The following SNX17 variants were observed in gnomAD, a reference collection of about 807,000 sequenced individuals.
SNX17 encodes sorting nexin-17.
In SNX17, 35 loss-of-function variants were observed where a neutral mutation model predicts 64.3. The observed-to-expected ratio is 0.54, with a 90% CI of 0.42 to 0.72. The LOEUF (loss-of-function observed/expected upper bound fraction) is 0.72, where lower values mean the gene tolerates loss of function less well. SNX17 is among the 30% of genes least tolerant of loss of function. The pLI is 0.00. For synonymous variants in SNX17, 259 were observed against 230.2 expected (o/e 1.13, Z -1.13); for missense variants, 538 against 610.0 (o/e 0.88, Z 1.24).
chr2:27,373,726 T>C (rs754812403), intron 4 of SNX17, 135 bp from the exon 5 acceptor site: 14 of 658,088 alleles, frequency 2.1e-5, no homozygotes, highest in African/African-American at 3.6e-5. Flanking sequence ...TCTATTCTTA[T>C]GAAATCAAAG....
chr2:27,376,571 C>G lies in SNX17; in HGVS notation c.1300-35C>G, dbSNP rs368463802. 367 of 1,613,678 alleles carry G rather than the reference C, an allele frequency of 2.3e-4. 1 individual carries two copies. Among genetic ancestry groups the G allele is most frequent in the Non-Finnish European group, 2.9e-4 (345 of 1,179,694 alleles). ...CTGTTTGTTGGGGGATCTTGCACGC[C>G]CAAGATCTCTGACCCCACCCTGCCT... On this transcript the variant is annotated intron_variant, in intron 14 of 14. Coordinates refer to ENST00000233575, the MANE Select transcript of SNX17 (RefSeq NM_014748.4).
At position 27,374,119 on chromosome 2, in the gene SNX17, T is replaced by A; in HGVS notation, c.467T>A (p.Leu156Ter). The change falls in exon 6 of 15, where the codon TTG becomes TAG. Residue 156 changes from leucine (L) to a stop codon, truncating the protein, a stop_gained. Transcript: ENST00000233575. LOFTEE classifies it high-confidence loss of function. ...GCAAAGCTGGATCTTCCAGATGACT[T>A]GATTGGATACTTTAGTCTATTCTTA... ...VAAKLDLPDD[L>*]IGYFSLFLVR... The A allele has an allele frequency of 1.2e-6, 2 of 1,614,164 alleles. No homozygotes were observed. The highest frequency in any genetic ancestry group is 1.7e-6 in the Non-Finnish European group (2 of 1,180,020).
Position 27,374,685 on chromosome 2 carries a change from A to G in SNX17, c.612-4A>G. ...TTACCCCTTTCCACCCCTTGGCCTC[A>G]CAGTTATTGGGACTCTGCCTATGAT... On this transcript the variant is annotated splice_polypyrimidine_tract_variant and splice_region_variant and intron_variant, in intron 7 of 14. Coordinates refer to ENST00000233575, the MANE Select transcript of SNX17 (RefSeq NM_014748.4). 1 of 1,614,020 alleles carries G rather than the reference A, an allele frequency of 6.2e-7. No individual in the cohort carries two copies. The highest frequency in any genetic ancestry group is 8.5e-7 in the Non-Finnish European group (1 of 1,180,002).
chr2:27,371,433 C>G, intron 2 of SNX17, 90 bp downstream of exon 2: 1 of 1,495,554 alleles, frequency 6.7e-7, no homozygotes, highest in South Asian at 1.3e-5. Flanking sequence ...TTCTTGTTCC[C>G]GTAGGCTGTA....
intron 3 of SNX17, 150 bp downstream of exon 3, chr2:27,372,890 T>C: frequency 8.1e-7 from 1 of 1,234,206 alleles, no homozygotes; most frequent in Non-Finnish European, 1.2e-6. Context: ...GTAAATAGTG[T>C]ACGAGGATGT....
intron 8 of SNX17, 77 bp downstream of exon 8, chr2:27,374,835 CGT>C: frequency 7.2e-7 from 1 of 1,389,634 alleles, no homozygotes; most frequent in Non-Finnish European, 1.0e-6. Flanking sequence ...AAACTGCTGT[CGT>C]GTCTTTGTTC....
rs1393518352 is a variant in SNX17, at chr2:27,370,669, G to C, written c.-75G>C. 1 of 1,481,960 alleles carries C rather than the reference G, an allele frequency of 6.7e-7. No individual in the cohort carries two copies. Among genetic ancestry groups the C allele is most frequent in the South Asian group, 1.3e-5 (1 of 75,598 alleles). The allele number at this position is 1,481,960 out of a possible 1,614,324, so 91.8% of individuals were successfully genotyped here. Reference sequence around the variant, plus strand: ...GAGTGAGGCTGCGGGGACTCGCTGAGCAGCGGAGGGGGAGCGTGCAGAGCC... The same window carrying C: ...GAGTGAGGCTGCGGGGACTCGCTGACCAGCGGAGGGGGAGCGTGCAGAGCC... On this transcript the variant is annotated 5_prime_UTR_variant, in exon 1 of 15. Transcript: ENST00000233575.
At chr2:27,374,539 G>C in intron 7 of SNX17, 106 bp downstream of exon 7, 1 of 1,266,050 alleles carries the variant, frequency 7.9e-7, no homozygotes, top group Non-Finnish European at 1.1e-6. Flanking sequence ...TGTAGTGCTG[G>C]GTGTTTCTGC....
chr2:27,371,216 G>A (rs1682489671), intron 1 of SNX17, 53 bp from the exon 2 acceptor site: 2 of 1,531,790 alleles, frequency 1.3e-6, no homozygotes, highest in East Asian at 2.2e-5. Context: ...GGGTTCTCAG[G>A]GGGGTTGCGC....
Position 27,370,732 on chromosome 2 carries a change from G to C in SNX17, c.-12G>C. On this transcript the variant is annotated 5_prime_UTR_variant, in exon 1 of 15. Transcript: ENST00000233575. ...ACAGTCCGGAGCCCGGCCGTGCCGTGCCGTAGGGAACATGCACTTTTCCAT... is the reference window on the plus strand; with the variant it reads ...ACAGTCCGGAGCCCGGCCGTGCCGTCCCGTAGGGAACATGCACTTTTCCAT... The C allele has an allele frequency of 1.3e-6, 2 of 1,547,858 alleles. No homozygotes were observed. Among genetic ancestry groups the C allele is most frequent in the Non-Finnish European group, 1.7e-6 (2 of 1,145,506 alleles).
At chr2:27,370,845 C>A in intron 1 of SNX17, 39 bp downstream of exon 1, 2 of 1,526,966 alleles carry the variant, frequency 1.3e-6, no homozygotes, top group Non-Finnish European at 1.8e-6. Flanking sequence ...CGGGCAGGGG[C>A]GGGGATAACG....
At chr2:27,374,571 C>A in intron 7 of SNX17, 118 bp from the exon 8 acceptor site, 1 of 1,239,022 alleles carries the variant, frequency 8.1e-7, no homozygotes, top group South Asian at 1.2e-5. Flanking sequence ...AGCTTCCTCC[C>A]ACTATACCAT....
In SNX17 at chr2:27,376,302, T is replaced by A; in HGVS notation, c.1183-11T>A. The A allele has an allele frequency of 6.2e-7, 1 of 1,611,988 alleles. No homozygotes were observed. The highest frequency in any genetic ancestry group is 8.5e-7 in the Non-Finnish European group (1 of 1,178,496). On this transcript the variant is annotated splice_polypyrimidine_tract_variant and intron_variant, in intron 12 of 14. Transcript: ENST00000233575. ...ATCCTGCCCTCACCGGCACCTTGTGTCTGTCCCCAGATGCTGCGCCGGCGG... is the reference window on the plus strand; with the variant it reads ...ATCCTGCCCTCACCGGCACCTTGTGACTGTCCCCAGATGCTGCGCCGGCGG...
Position 27,372,689 on chromosome 2 carries a change from C to G in SNX17, c.205C>G (p.Pro69Ala), listed in dbSNP as rs200967848. 7 of 1,614,096 alleles carry G rather than the reference C, an allele frequency of 4.3e-6. No individual in the cohort carries two copies. The highest frequency in any genetic ancestry group is 2.7e-5 in the African/African-American group (2 of 74,940). ...CCCAAAGAAGCTTTTCTCTCTGACTCCTGCTGAGGTAGAACAGAGGAGAGA... is the reference window on the plus strand; with the variant it reads ...CCCAAAGAAGCTTTTCTCTCTGACTGCTGCTGAGGTAGAACAGAGGAGAGA... The part of the protein sequence containing the change: ...FPPKKLFSLT[P>A]AEVEQRREQL... The change falls in exon 3 of 15, where the codon CCT (proline) becomes GCT (alanine). Residue 69 changes from proline to alanine, a missense_variant. By Grantham distance (27) the Pro-to-Ala change is conservative (BLOSUM62 -1). Coordinates refer to ENST00000233575, the MANE Select transcript of SNX17 (RefSeq NM_014748.4).
intron 2 of SNX17, 167 bp downstream of exon 2, chr2:27,371,510 C>A: frequency 7.4e-7 from 1 of 1,355,464 alleles, no homozygotes; most frequent in Non-Finnish European, 9.6e-7. Flanking sequence ...CCGGGAACTC[C>A]CTAAGAAGCT....
chr2:27,373,078 G>A (rs181319126), intron 3 of SNX17, 169 bp from the exon 4 acceptor site: 3 of 1,554,072 alleles, frequency 1.9e-6, no homozygotes, highest in Admixed American at 3.9e-5. Flanking sequence ...AGCCAAGGGT[G>A]GGGCAGGTGA....
At chr2:27,370,953 C>A in intron 1 of SNX17, 147 bp downstream of exon 1, 1 of 957,808 alleles carries the variant, frequency 1.0e-6, no homozygotes, top group Non-Finnish European at 1.5e-6. Flanking sequence ...GGGAGCTTAT[C>A]TCATGTGTGT....
At position 27,375,508 on chromosome 2, in the gene SNX17, C is replaced by T; in HGVS notation, c.777C>T (p.Phe259=). ...CCCATGTGATGACCATTTTTCAGTT[C>T]CTGAGACTGGCCCAGACGCTGCGGC... The part of the protein sequence containing the change: ...SLQEKVSKKE[F]LRLAQTLRHY... Residue 259 remains phenylalanine, a splice_region_variant and synonymous_variant, in exon 10 of 15, where the codon TTC becomes TTT. Coordinates refer to ENST00000233575, the MANE Select transcript of SNX17 (RefSeq NM_014748.4). This position sits in a 1 kb window ranked among gnomAD's most constrained non-coding sequence, Gnocchi z 4.1. The T allele has an allele frequency of 1.2e-6, 2 of 1,614,086 alleles. No individual in the cohort carries two copies. The highest frequency in any genetic ancestry group is 1.7e-6 in the Non-Finnish European group (2 of 1,180,024).
intron 1 of SNX17, 99 bp downstream of exon 1, chr2:27,370,905 G>A: frequency 7.3e-7 from 1 of 1,371,390 alleles, no homozygotes; most frequent in Non-Finnish European, 9.7e-7. Context: ...CCACCCTTCG[G>A]GCCTGGTCCT....
Sources: gnomAD v4.1 joint callset for allele counts on GRCh38, gnomAD v4.1.1 for gene constraint, Gnocchi (gnomAD v3.1) non-coding constraint, MANE v1.5 for transcripts, NCBI Gene and HGNC (gene_info 2026-07-23, HGNC 2026-07-21) for gene names.